Variants in ACAP3 observed in about 807,000 individuals in gnomAD.
ACAP3 encodes the protein arf-GAP with coiled-coil, ANK repeat and PH domain-containing protein 3.
ACAP3 carries 56 observed loss-of-function variants against 104.1 expected under a neutral mutation model. The ratio of observed to expected loss-of-function variants is 0.54; its 90% CI spans 0.43 to 0.67. ACAP3 has a LOEUF of 0.67. ACAP3 is among the 30% of genes least tolerant of loss of function. ACAP3 has a pLI of 0.00. For synonymous variants in ACAP3, 628 were observed against 496.2 expected (o/e 1.27, Z -3.53); for missense variants, 1,208 against 1,174.9 (o/e 1.03, Z -0.41).
chr1:1,300,722 G>A, intron 5 of ACAP3, 30 bp from the exon 6 acceptor site: 3 of 1,589,330 alleles, frequency 1.9e-6, no homozygotes, highest in Non-Finnish European at 2.6e-6. Flanking sequence ...TGGGGTGAGA[G>A]ATCAGGGAGG....
At chr1:1,302,619 C>T (rs1284191817) in intron 4 of ACAP3, among the ~76,000 whole-genome samples, 3 of 152,102 alleles carry the variant, frequency 2.0e-5, no homozygotes, top group Non-Finnish European at 2.9e-5. Context: ...CCAGGGCCCC[C>T]GGGGGCCACC....
At position 1,300,299 on chromosome 1, in the gene ACAP3, T is replaced by C. The variant is rs978877137; in HGVS notation, c.523-97A>G. On this transcript the variant is annotated intron_variant, in intron 6 of 23. Transcript: ENST00000354700. ...TCCACCTGAGCTGCTTGTGGTTCCC[T>C]GAGACCCCCAGGTCGTCTTCAGCTC... The C allele has an allele frequency of 5.6e-6, 8 of 1,436,256 alleles. No individual in the cohort carries two copies. In the African/African-American group the frequency reaches 5.7e-5, roughly 10 times the overall value. The allele number at this position is 1,436,256 out of a possible 1,614,324, so 89.0% of individuals were successfully genotyped here.
rs748911098 is a variant in ACAP3, at chr1:1,294,471, G to A, written c.2070C>T (p.His690=). ...DLPALAAALA[H]GAEVNWADAE... is the part of the protein sequence containing the mutation. ...CGTCCGCCCAGTTGACCTCGGCCCC[G>A]TGGGCCAGCGCCGCCGCCAGCGCAG... Residue 690 remains histidine, a synonymous_variant, in exon 21 of 24, where the codon CAC becomes CAT. Transcript: ENST00000354700. 6 of 1,555,938 alleles carry A rather than the reference G, an allele frequency of 3.9e-6. No individual in the cohort carries two copies. The highest frequency in any genetic ancestry group is 2.3e-5 in the South Asian group (2 of 85,560).
chr1:1,298,843 T>C, intron 10 of ACAP3, 164 bp from the exon 11 acceptor site: 1 of 626,772 alleles, frequency 1.6e-6, no homozygotes, highest in South Asian at 1.9e-5. Flanking sequence ...CAGCCACTTC[T>C]TGACCTGAGC....
chr1:1,296,372 C>G, intron 15 of ACAP3, 53 bp downstream of exon 15: 17 of 1,533,754 alleles, frequency 1.1e-5, no homozygotes, highest in Non-Finnish European at 1.5e-5. Flanking sequence ...AGGGGCCCAC[C>G]TGTGGATGCT....
chr1:1,295,966 G>A (rs779744904), intron 17 of ACAP3, 28 bp from the exon 18 acceptor site: 8 of 1,612,616 alleles, frequency 5.0e-6, no homozygotes, highest in South Asian at 1.1e-5. Context: ...ATGAGGCTGT[G>A]CCCCCAGGCT....
In ACAP3 at chr1:1,294,701, G is replaced by A. The variant is rs1264854173; in HGVS notation, c.1912+17C>T. On this transcript the variant is annotated intron_variant, in intron 20 of 23. Coordinates refer to ENST00000354700, the MANE Select transcript of ACAP3 (RefSeq NM_030649.3). ...GGGCTGGGCAGGGGCCTCGGGCGAG[G>A]GCAAGACGCCACCCACCCTCCTCAG... The A allele has an allele frequency of 1.9e-6, 3 of 1,548,920 alleles. No homozygotes were observed. Among genetic ancestry groups the A allele is most frequent in the African/African-American group, 1.4e-5 (1 of 73,006 alleles).
Position 1,294,699 on chromosome 1 carries a change from A to C in ACAP3, c.1912+19T>G. On this transcript the variant is annotated intron_variant, in intron 20 of 23. Transcript: ENST00000354700. ...AGGGGCTGGGCAGGGGCCTCGGGCG[A>C]GGGCAAGACGCCACCCACCCTCCTC... 6.5e-7 allele frequency: 1 copy of C among 1,548,584 alleles called. No homozygotes were observed. The highest frequency in any genetic ancestry group is 8.7e-7 in the Non-Finnish European group (1 of 1,146,000).
Position 1,294,617 on chromosome 1 carries a change from A to G in ACAP3, c.1924T>C (p.Ser642Pro), listed in dbSNP as rs1310682363. 3.3e-6 allele frequency: 5 copies of G among 1,530,582 alleles called. No homozygotes were observed. The highest frequency in any genetic ancestry group is 4.4e-6 in the Non-Finnish European group (5 of 1,138,532). The allele number at this position is 1,530,582 out of a possible 1,614,324, so 94.8% of individuals were successfully genotyped here. A position where few individuals can be genotyped will look rare whatever the true frequency, so the allele number is the denominator to read the frequency against. ...TCTGCCTCACCGCTGGACTCCTCCG[A>G]CTCTGCACCCTCTGTGGGGAGGGGG... ...DSVTEEEGAESEESSGEADGD... is the reference protein window; with the variant it reads ...DSVTEEEGAEPEESSGEADGD... The change falls in exon 21 of 24, where the codon TCG (serine) becomes CCG (proline). Residue 642 changes from serine to proline, a missense_variant. Coordinates refer to ENST00000354700, the MANE Select transcript of ACAP3 (RefSeq NM_030649.3).
intron 10 of ACAP3, 128 bp downstream of exon 10, chr1:1,299,217 G>C: frequency 8.0e-7 from 1 of 1,250,152 alleles, no homozygotes; most frequent in Non-Finnish European, 1.1e-6. Flanking sequence ...AGCCGCATCA[G>C]CAGCAGGAGC....
chr1:1,295,923 G>A lies in ACAP3; in HGVS notation c.1518C>T (p.Ala506=), dbSNP rs1018453428. 6.2e-7 allele frequency: 1 copy of A among 1,612,456 alleles called. No individual in the cohort carries two copies. Among genetic ancestry groups the A allele is most frequent in the South Asian group, 1.1e-5 (1 of 91,084 alleles). The part of the protein sequence containing the change: ...TASSSRQDKE[A]WIKDKYVEKK... Reference sequence around the variant, plus strand: ...TTTCCACGTATTTGTCCTTGATCCAGGCCTCCTTGTCCTGCCTGGACCAGG... The same window carrying A: ...TTTCCACGTATTTGTCCTTGATCCAAGCCTCCTTGTCCTGCCTGGACCAGG... The change falls in exon 18 of 24, where the codon GCC becomes GCT. Residue 506 remains alanine, a synonymous_variant. Coordinates refer to ENST00000354700, the MANE Select transcript of ACAP3 (RefSeq NM_030649.3).
In ACAP3 at chr1:1,300,470, C is replaced by T; in HGVS notation, c.522+39G>A. ...AGGCCGTTGAGGCCTCCATTCGCTA[C>T]AGCTGGTCCCCGCCCCCCAGCCCAT... On this transcript the variant is annotated intron_variant, in intron 6 of 23. Coordinates refer to ENST00000354700, the MANE Select transcript of ACAP3 (RefSeq NM_030649.3). The T allele has an allele frequency of 4.4e-6, 7 of 1,574,958 alleles. No individual in the cohort carries two copies. The South Asian group carries it at 4.6e-5, about 10-fold the overall frequency.
rs1641043651 is a variant in ACAP3 at position 1,294,797 on chromosome 1, G to A, written c.1833C>T (p.Gly611=). 1.3e-6 allele frequency: 2 copies of A among 1,549,928 alleles called. No homozygotes were observed. Among genetic ancestry groups the A allele is most frequent in the Non-Finnish European group, 8.7e-7 (1 of 1,146,722 alleles). The part of the protein sequence containing the change: ...AGPRSLSSDS[G]LGGSSDGSSD... ...AGCTGCCATCCGAGCTGCCCCCAAGGCCACTGTCGCTACTCAGACCTGCAG... is the reference window on the plus strand; with the variant it reads ...AGCTGCCATCCGAGCTGCCCCCAAGACCACTGTCGCTACTCAGACCTGCAG... Residue 611 remains glycine, a synonymous_variant, in exon 20 of 24, where the codon GGC becomes GGT. Coordinates refer to ENST00000354700, the MANE Select transcript of ACAP3 (RefSeq NM_030649.3).
At chr1:1,305,622 C>A (rs1231337943) in intron 1 of ACAP3, 1 of 152,270 alleles carries the variant, frequency 6.6e-6, no homozygotes, top group Non-Finnish European at 1.5e-5. Flanking sequence ...CTGCTGGGAG[C>A]CCCTCAGCTC....
Position 1,303,759 on chromosome 1 carries a change from C to T in ACAP3, c.105+327G>A, listed in dbSNP as rs183941892. Reference sequence around the variant, plus strand: ...CCCCCTCCCCTTTCTCAGCCCCAGCCCCAGCCACACCAAGGCTCAGCCCAC... The same window carrying T: ...CCCCCTCCCCTTTCTCAGCCCCAGCTCCAGCCACACCAAGGCTCAGCCCAC... On this transcript the variant is annotated intron_variant, in intron 2 of 23. Transcript: ENST00000354700. The surrounding 1 kb of genome is among the most constrained non-coding windows in gnomAD (Gnocchi z 4.0). 6.2e-6 allele frequency: 3 copies of T among 484,446 alleles called. No individual in the cohort carries two copies. Among genetic ancestry groups the T allele is most frequent in the African/African-American group, 4.0e-5 (2 of 50,416 alleles). The allele number at this position is 484,446 out of a possible 1,614,324, so 30.0% of individuals were successfully genotyped here.
intron 19 of ACAP3, 35 bp downstream of exon 19, chr1:1,295,412 G>A: frequency 6.3e-7 from 1 of 1,596,982 alleles, no homozygotes; most frequent in Non-Finnish European, 8.6e-7. Context: ...CCTTGGCCCT[G>A]CCCTGCCACC....
chr1:1,300,277 A>C, intron 6 of ACAP3, 75 bp from the exon 7 acceptor site: 2 of 1,499,114 alleles, frequency 1.3e-6, no homozygotes, highest in Non-Finnish European at 1.8e-6. Flanking sequence ...CATAGAGTCC[A>C]CCTGAGCTGC....
chr1:1,303,205 A>G lies in ACAP3; in HGVS notation c.182T>C (p.Val61Ala). 6.2e-7 allele frequency: 1 copy of G among 1,606,394 alleles called. No individual in the cohort carries two copies. The highest frequency in any genetic ancestry group is 8.5e-7 in the Non-Finnish European group (1 of 1,177,612). ...VSTSRLFVSG[V>A]RDLSQQCQGD... ...CTGGCACTGCTGGGACAGGTCGCGG[A>G]CGCCGCTCACGAAAAGCCTGCTGGT... Residue 61 changes from valine (V) to alanine (A), a missense_variant, in exon 3 of 24, where the codon GTC becomes GCC. Physicochemically the swap from Val to Ala is moderately conservative, Grantham distance 64 (BLOSUM62 0). Coordinates refer to ENST00000354700, the MANE Select transcript of ACAP3 (RefSeq NM_030649.3). This position sits in a 1 kb window ranked among gnomAD's most constrained non-coding sequence, Gnocchi z 4.0.
In ACAP3 at chr1:1,307,758, G is replaced by A. The variant is rs1472034835; in HGVS notation, c.47+11C>T. ...GGCCTGCGCCCACCCCGGCGGCCCC[G>A]GGCGGCGCACCTGAAGCGCGGGGAG... On this transcript the variant is annotated intron_variant, in intron 1 of 23. Transcript: ENST00000354700. The A allele has an allele frequency of 2.9e-5, 32 of 1,096,750 alleles. No individual in the cohort carries two copies. Among genetic ancestry groups the A allele is most frequent in the Non-Finnish European group, 3.1e-5 (28 of 901,954 alleles). The allele number at this position is 1,096,750 out of a possible 1,614,324, so 67.9% of individuals were successfully genotyped here. A position where few individuals can be genotyped will look rare whatever the true frequency, so the allele number is the denominator to read the frequency against.
Sources: allele counts gnomAD v4.1 joint callset (sites outside exome capture counted in the v4.1 genomes callset), GRCh38; gene constraint gnomAD v4.1.1; non-coding constraint Gnocchi (gnomAD v3.1); transcripts MANE v1.5; gene names NCBI Gene and HGNC (gene_info 2026-07-23, HGNC 2026-07-21).